PCDH9: variants seen among roughly 807,000 people sequenced by gnomAD.
PCDH9 encodes the protein protocadherin 9, also known as protocadherin-9.
Under a neutral mutation model 70.6 loss-of-function variants are expected in PCDH9, and 24 were observed. The ratio of observed to expected loss-of-function variants is 0.34; its 90% CI spans 0.25 to 0.48. The LOEUF (loss-of-function observed/expected upper bound fraction) is 0.48. Among genes scored for constraint, PCDH9 ranks in the 20% least tolerant of loss-of-function variants. PCDH9 has a pLI of 0.99. For missense variants in PCDH9, 1,281 were observed against 1,503.6 expected (o/e 0.85, Z 2.45); for synonymous variants, 562 against 558.5 (o/e 1.01, Z -0.09).
chr13:66,497,412 A>G (rs78291996), intron 4 of PCDH9, among the ~76,000 whole-genome samples: 1,626 of 152,248 alleles, frequency 0.011, 26 homozygotes, highest in African/African-American at 0.036. Flanking sequence ...TCTACATTTT[A>G]TAGGTTATGC....
At chr13:67,113,562 T>G (rs1336634759) in intron 2 of PCDH9, among the ~76,000 whole-genome samples, 1 of 152,152 alleles carries the variant, frequency 6.6e-6, no homozygotes, top group Non-Finnish European at 1.5e-5. Context: ...ATGTTTTTTT[T>G]TTTGAGACGG....
At chr13:66,800,996 G>A (rs2080317480) in intron 3 of PCDH9, among the ~76,000 whole-genome samples, 1 of 137,604 alleles carries the variant, frequency 7.3e-6, no homozygotes, top group African/African-American at 2.6e-5. Flanking sequence ...AATGCATTTG[G>A]AGCATTTTCT....
rs7985248 is a variant in PCDH9 at position 66,501,726 on chromosome 13, C to A, written c.3340+129484G>T. On this transcript the variant is annotated intron_variant, in intron 4 of 4. Coordinates refer to ENST00000377865, the MANE Select transcript of PCDH9 (RefSeq NM_203487.3). ...AGTCATCATTGTAGTAATATGCATT[C>A]TCAATGACTAAAAAAATCAAACTGA... Among the ~76,000 whole-genome samples the A allele has an allele frequency of 3.2e-3, 493 of 152,094 alleles. 4 individuals are homozygous for A. Among genetic ancestry groups the A allele is most frequent in the African/African-American group, 0.011 (458 of 41,516 alleles).
chr13:66,542,315 T>C (rs1010299029), intron 4 of PCDH9, among the ~76,000 whole-genome samples: 6 of 152,146 alleles, frequency 3.9e-5, no homozygotes, highest in African/African-American at 1.4e-4. Flanking sequence ...TTGACTAGGC[T>C]ATAGCACCCA....
At chr13:67,117,697 A>G (rs1236952452) in intron 2 of PCDH9, among the ~76,000 whole-genome samples, 1 of 152,188 alleles carries the variant, frequency 6.6e-6, no homozygotes, top group Admixed American at 6.5e-5. Flanking sequence ...TATCTGAGGT[A>G]ATAATATAAA....
chr13:67,094,246 C>T (rs2086276575), intron 2 of PCDH9, among the ~76,000 whole-genome samples: 1 of 152,122 alleles, frequency 6.6e-6, no homozygotes, highest in African/African-American at 2.4e-5. Flanking sequence ...GACAATTACT[C>T]TAATCATGCT....
At chr13:66,538,103 G>A (rs748526544) in intron 4 of PCDH9, among the ~76,000 whole-genome samples, 6 of 151,998 alleles carry the variant, frequency 3.9e-5, no homozygotes, top group Non-Finnish European at 5.9e-5. Flanking sequence ...AAAGTCTTTC[G>A]TGCTAGTGGT....
intron 3 of PCDH9, among the ~76,000 whole-genome samples, chr13:66,844,217 C>G (rs549956861): frequency 1.8e-4 from 27 of 152,150 alleles, no homozygotes; most frequent in African/African-American, 6.5e-4. Flanking sequence ...AGATTAGTTT[C>G]TAGCATGAAT....
At chr13:66,800,554 G>C (rs1340759394) in intron 3 of PCDH9, among the ~76,000 whole-genome samples, 2 of 152,074 alleles carry the variant, frequency 1.3e-5, no homozygotes, top group Non-Finnish European at 2.9e-5. Flanking sequence ...CCAGTGCCTA[G>C]AATGGTCGCA....
At chr13:67,192,571 C>A (rs369738977) in intron 2 of PCDH9, among the ~76,000 whole-genome samples, 1 of 151,930 alleles carries the variant, frequency 6.6e-6, no homozygotes, top group Non-Finnish European at 1.5e-5. Context: ...TCTGACTGAA[C>A]GAAAGTGAAT....
At chr13:66,565,583 C>T in intron 4 of PCDH9, among the ~76,000 whole-genome samples, 1 of 152,260 alleles carries the variant, frequency 6.6e-6, no homozygotes, top group African/African-American at 2.4e-5. Flanking sequence ...GTAGACCTCT[C>T]ATATAGTTAG....
chr13:66,981,516 C>T (rs560472689), intron 2 of PCDH9, among the ~76,000 whole-genome samples: 1 of 151,014 alleles, frequency 6.6e-6, no homozygotes, highest in African/African-American at 2.4e-5. Context: ...ATTTAGTTTT[C>T]CTTCATTATT....
chr13:66,965,050 A>G (rs1466425299), intron 2 of PCDH9, among the ~76,000 whole-genome samples: 24 of 152,082 alleles, frequency 1.6e-4, no homozygotes, highest in Admixed American at 1.6e-3. Flanking sequence ...AAGTATTTAA[A>G]ATTTTTGACA....
At chr13:66,478,804 A>G (rs1958781157) in intron 4 of PCDH9, among the ~76,000 whole-genome samples, 1 of 152,260 alleles carries the variant, frequency 6.6e-6, no homozygotes, top group Non-Finnish European at 1.5e-5. Flanking sequence ...AAGGCGAAGC[A>G]GCAAGTGCTG....
chr13:66,428,953 A>C (rs955688304), intron 4 of PCDH9, among the ~76,000 whole-genome samples: 1 of 151,866 alleles, frequency 6.6e-6, no homozygotes, highest in Non-Finnish European at 1.5e-5. Flanking sequence ...AATAATGGCC[A>C]TATTTTTATG....
intron 4 of PCDH9, among the ~76,000 whole-genome samples, chr13:66,628,239 T>G (rs921814222): frequency 1.3e-5 from 2 of 152,224 alleles, no homozygotes; most frequent in Non-Finnish European, 2.9e-5. Context: ...TATTTTTTTC[T>G]TTCTTGAACA....
In PCDH9 at chr13:66,711,758, C is replaced by T. The variant is rs368689942; in HGVS notation, c.3139-80347G>A. Among the ~76,000 whole-genome samples, 94 of 152,062 alleles carry T rather than the reference C, an allele frequency of 6.2e-4. 1 individual carries two copies. Among genetic ancestry groups the T allele is most frequent in the African/African-American group, 1.6e-3 (66 of 41,422 alleles). ...ATGGTCACATTAATTGAGTCTTTTA[C>T]GATGTTAGCCATGAGCTCTTTGGAG... is the stretch of plus-strand genomic sequence containing the variant. On this transcript the variant is annotated intron_variant, in intron 3 of 4. Transcript: ENST00000377865.
At chr13:66,560,370 C>T (rs1036528854) in intron 4 of PCDH9, among the ~76,000 whole-genome samples, 8 of 152,060 alleles carry the variant, frequency 5.3e-5, no homozygotes, top group Non-Finnish European at 1.0e-4. Context: ...CCCCACATAG[C>T]ATAGCTGTGA....
intron 3 of PCDH9, among the ~76,000 whole-genome samples, chr13:66,812,947 C>T (rs1216396389): frequency 6.6e-6 from 1 of 152,152 alleles, no homozygotes; most frequent in African/African-American, 2.4e-5. Flanking sequence ...TTTTCAGGCT[C>T]GTCATTCTGT....
Sources: allele counts gnomAD v4.1 joint callset (sites outside exome capture counted in the v4.1 genomes callset), GRCh38; gene constraint gnomAD v4.1.1; transcripts MANE v1.5; gene names NCBI Gene and HGNC (gene_info 2026-07-23, HGNC 2026-07-21).